THOC5: variants seen among roughly 807,000 people sequenced by gnomAD.
THOC5 encodes Fms-interacting protein.
THOC5 carries 43 observed loss-of-function variants against 92.9 expected under a neutral mutation model. That is an observed-to-expected ratio of 0.46 (90% confidence interval 0.36 to 0.60). The LOEUF (loss-of-function observed/expected upper bound fraction) is 0.60, where lower values mean the gene tolerates loss of function less well. Ranked by LOEUF, THOC5 falls within the 20% of genes least tolerant of loss-of-function variation. THOC5 has a pLI of 0.00. For synonymous variants in THOC5, 296 were observed against 320.1 expected, an observed-to-expected ratio of 0.92 and a Z score of 0.80; for missense variants, 659 against 849.4, an observed-to-expected ratio of 0.78 and a Z score of 2.79.
At position 29,517,036 on chromosome 22, in the gene THOC5, C is replaced by T. The variant is rs200216982; in HGVS notation, c.1674G>A (p.Arg558=). ...TNLYYMALIE[R]GTAKLQAAVV... ...AATCAGCAGAGCAATTACCTGTGCC[C>T]CTTTCGATGAGCGCCATGTAGTAGA... Residue 558 remains arginine, a synonymous_variant, in exon 17 of 20, where the codon AGG becomes AGA. Transcript: ENST00000490103. 264 of 1,614,134 alleles carry T rather than the reference C, an allele frequency of 1.6e-4. 1 individual carries two copies. Among genetic ancestry groups the T allele is most frequent in the Non-Finnish European group, 2.1e-4 (253 of 1,179,996 alleles).
At chr22:29,513,399 A>G (rs1353848186) in intron 17 of THOC5, among the ~76,000 whole-genome samples, 1 of 148,522 alleles carries the variant, frequency 6.7e-6, no homozygotes, top group Non-Finnish European at 1.5e-5. Context: ...CCTGTCCCCA[A>G]AAAAGAGTGT....
rs2063232631 is a variant in THOC5, at chr22:29,511,982, C to A, written c.1797+39G>T. The A allele has an allele frequency of 5.7e-6, 9 of 1,581,846 alleles. No individual in the cohort carries two copies. The East Asian group carries it at 2.0e-4, about 35-fold the overall frequency. On this transcript the variant is annotated intron_variant, in intron 18 of 19. Transcript: ENST00000490103. ...CTGCCACGGCCACCTCCCCCGGGAG[C>A]TCTGCCTGCTCCTCCTGTCATCCCC...
chr22:29,516,718 A>C (rs1423598324), intron 17 of THOC5, among the ~76,000 whole-genome samples: 2 of 152,206 alleles, frequency 1.3e-5, no homozygotes, highest in East Asian at 3.8e-4. Flanking sequence ...CGGTACTAGA[A>C]AGCGGTGAAG....
chr22:29,506,039 T>C lies in THOC5; in HGVS notation c.*2418A>G, dbSNP rs1164038430. On this transcript the variant is annotated 3_prime_UTR_variant, in exon 20 of 20. Transcript: ENST00000490103. The stretch of plus-strand genomic sequence containing the variant: ...CATGCCCAGCTAATTTTTGTATTTT[T>C]AGTAGAGACGGGGTTTCACCATGTT... 2.0e-5 allele frequency: 3 copies of C among 152,130 alleles called. No individual in the cohort carries two copies. Among genetic ancestry groups the C allele is most frequent in the Non-Finnish European group, 4.4e-5 (3 of 68,036 alleles). 9.4% of individuals were successfully genotyped at this position (152,130 alleles called of 1,614,324 possible). A position where few individuals can be genotyped will look rare whatever the true frequency, so the allele number is the denominator to read the frequency against.
chr22:29,531,336 AC>A (rs2063651064), intron 8 of THOC5: 1 of 985,302 alleles, frequency 1.0e-6, no homozygotes, highest in Non-Finnish European at 1.2e-6. Flanking sequence ...TTTTCTCAAA[AC>A]CCTAGCAGAG....
At chr22:29,539,127 A>C (rs1296433876) in intron 6 of THOC5, among the ~76,000 whole-genome samples, 3 of 151,658 alleles carry the variant, frequency 2.0e-5, no homozygotes, top group South Asian at 2.1e-4. Flanking sequence ...AAAAAAAAAA[A>C]AAAACCCTTA....
chr22:29,532,925 C>T (rs1016449959), intron 7 of THOC5, among the ~76,000 whole-genome samples: 2 of 152,066 alleles, frequency 1.3e-5, no homozygotes, highest in Non-Finnish European at 2.9e-5. Flanking sequence ...TTGCAGTGAG[C>T]CAAGATTGTA....
At chr22:29,535,774 G>A (rs1024845161) in intron 7 of THOC5, 1 of 152,224 alleles carries the variant, frequency 6.6e-6, no homozygotes, top group Admixed American at 6.5e-5. Flanking sequence ...CTATCACCCA[G>A]GCTGGAGCGA....
At chr22:29,547,612 C>T (rs910240698) in intron 2 of THOC5, among the ~76,000 whole-genome samples, 1 of 152,200 alleles carries the variant, frequency 6.6e-6, no homozygotes, top group Admixed American at 6.5e-5. Flanking sequence ...ATCCACCTGC[C>T]TCAGACTCCC....
chr22:29,531,818 G>A lies in THOC5; in HGVS notation c.847+13C>T. The A allele has an allele frequency of 6.2e-7, 1 of 1,613,138 alleles. No individual in the cohort carries two copies. Among genetic ancestry groups the A allele is most frequent in the African/African-American group, 1.3e-5 (1 of 74,992 alleles). On this transcript the variant is annotated intron_variant, in intron 8 of 19. Coordinates refer to ENST00000490103, the MANE Select transcript of THOC5 (RefSeq NM_003678.5). The stretch of plus-strand genomic sequence containing the variant: ...CCCATAGCCCCTTGTCCTCACCCAG[G>A]CCCCATACTCACCACAGGCCTGCCC...
At position 29,512,128 on chromosome 22, in the gene THOC5, GC is replaced by G; in HGVS notation, c.1689del (p.Gln564ArgfsTer6). On this transcript the variant is annotated frameshift_variant, in exon 18 of 20. Transcript: ENST00000490103. LOFTEE classifies it high-confidence loss of function. ...MALIERGTAK[L>X]QAAVVLNPGY... ...CCAGGGTTCAACACCACAGCGGCCT[GC>G]AGTTTGGCTGGGAAGAGAGGAGAGA... The G allele has an allele frequency of 6.2e-7, 1 of 1,614,012 alleles. No homozygotes were observed. The highest frequency in any genetic ancestry group is 8.5e-7 in the Non-Finnish European group (1 of 1,179,872).
At chr22:29,541,883 AAAAAAAAAAAATATATATATAT>A in intron 5 of THOC5, among the ~76,000 whole-genome samples, 5 of 80,832 alleles carry the variant, frequency 6.2e-5, no homozygotes, top group African/African-American at 2.3e-4. Context: ...AAAAAAAAAA[AAAAAAAAAAAATATATATATAT>A]ATATATATAT....
At chr22:29,522,621 T>C (rs1046851730) in intron 12 of THOC5, among the ~76,000 whole-genome samples, 10 of 152,124 alleles carry the variant, frequency 6.6e-5, no homozygotes, top group African/African-American at 2.4e-4. Flanking sequence ...AGGCTATTTA[T>C]AGTCATAAAA....
In THOC5 at chr22:29,511,124, ATCT is replaced by A. The variant is rs1165573764; in HGVS notation, c.1967_1969del (p.Lys656del). 5 of 1,614,078 alleles carry A rather than the reference ATCT, an allele frequency of 3.1e-6. No individual in the cohort carries two copies. The highest frequency in any genetic ancestry group is 1.1e-5 in the South Asian group (1 of 91,064). On this transcript the variant is annotated inframe_deletion, in exon 19 of 20. Transcript: ENST00000490103. Reference sequence around the variant, plus strand: ...TCCTCACCTGAAGAGCCGCAGACACATCTTCTCCTGGGGAAATTCCTTGGGCCC... The same window carrying A: ...TCCTCACCTGAAGAGCCGCAGACACATCTCCTGGGGAAATTCCTTGGGCCC...
rs756109353 is a variant in THOC5, at chr22:29,519,074, G to A, written c.1421C>T (p.Thr474Ile). ...DHSLSASHME[T>I]TMKLLKTRVQ... ...CCTGGTCTTCAGAAGTTTCATGGTG[G>A]TCTCCATGTGGCTGGCGCTCAGCGA... The change falls in exon 15 of 20, where the codon ACC (threonine) becomes ATC (isoleucine). Residue 474 changes from threonine to isoleucine, a missense_variant. By Grantham distance (89) the Thr-to-Ile change is moderately conservative. Transcript: ENST00000490103. 1.2e-6 allele frequency: 2 copies of A among 1,611,694 alleles called. No individual in the cohort carries two copies. Among genetic ancestry groups the A allele is most frequent in the South Asian group, 1.1e-5 (1 of 90,176 alleles).
At chr22:29,528,213 G>A (rs1276797468) in intron 10 of THOC5, 36 bp from the exon 11 acceptor site, 3 of 1,613,942 alleles carry the variant, frequency 1.9e-6, no homozygotes, top group Non-Finnish European at 2.5e-6. Flanking sequence ...ATGAGCATCA[G>A]TCATAGCAAT....
chr22:29,512,511 C>T (rs114179075), intron 17 of THOC5, among the ~76,000 whole-genome samples: 4 of 152,292 alleles, frequency 2.6e-5, no homozygotes, highest in African/African-American at 9.6e-5. Context: ...ACTAATTTTT[C>T]AACAATACTG....
rs966234485 is a variant in THOC5 at position 29,511,268 on chromosome 22, T to C, written c.1826A>G (p.Tyr609Cys). 6 of 1,613,880 alleles carry C rather than the reference T, an allele frequency of 3.7e-6. No individual in the cohort carries two copies. The highest frequency in any genetic ancestry group is 1.7e-5 in the Admixed American group (1 of 60,028). The change falls in exon 19 of 20, where the codon TAC (tyrosine) becomes TGC (cysteine). Residue 609 changes from tyrosine (Y) to cysteine (C), a missense_variant. Coordinates refer to ENST00000490103, the MANE Select transcript of THOC5 (RefSeq NM_003678.5). The stretch of plus-strand genomic sequence containing the variant: ...GGGCCAAGGGCCACACAGCTCCTTG[T>C]AGCACACATTGACTTCGCCCTCCAT... ...RAMEGEVNVC[Y>C]KELCGPWPSH...
chr22:29,540,899 G>A (rs1187769731), intron 5 of THOC5, among the ~76,000 whole-genome samples: 1 of 152,108 alleles, frequency 6.6e-6, no homozygotes, highest in Admixed American at 6.6e-5. Context: ...CGATTTTGTG[G>A]AACAGATAAA....
Sources: allele counts gnomAD v4.1 joint callset (sites outside exome capture counted in the v4.1 genomes callset), GRCh38; gene constraint gnomAD v4.1.1; transcripts MANE v1.5; gene names NCBI Gene and HGNC (gene_info 2026-07-23, HGNC 2026-07-21).